The following CEP72 variants were observed in gnomAD, a reference collection of about 807,000 sequenced individuals.
The protein encoded by CEP72 is centrosomal protein of 72 kDa.
In CEP72, 78 loss-of-function variants were observed where a neutral mutation model predicts 65.7. The observed-to-expected ratio is 1.19, with a 90% CI of 0.99 to 1.43. The LOEUF is 1.43. CEP72 is among the 40% of genes most tolerant of loss of function. The pLI is 0.00. For missense variants in CEP72, 914 were observed against 832.9 expected (o/e 1.10, Z -1.20); for synonymous variants, 358 against 351.7 (o/e 1.02, Z -0.20).
chr5:624,553 C>A lies in CEP72; in HGVS notation c.486C>A (p.Ser162Arg), dbSNP rs752341048. 1.2e-6 allele frequency: 2 copies of A among 1,612,710 alleles called. No homozygotes were observed. Among genetic ancestry groups the A allele is most frequent in the Non-Finnish European group, 1.7e-6 (2 of 1,178,658 alleles). Residue 162 changes from serine (S) to arginine (R), a missense_variant, in exon 4 of 12, where the codon AGC becomes AGA. Transcript: ENST00000264935. The surrounding 1 kb of genome is among the most constrained non-coding windows in gnomAD (Gnocchi z 4.7). Reference sequence around the variant, plus strand: ...AGGACTCACTCGACTCCAAAGAGAGCGTCCCAGCTTCTTTGAAAGAGGGCA... The same window carrying A: ...AGGACTCACTCGACTCCAAAGAGAGAGTCCCAGCTTCTTTGAAAGAGGGCA... ...ASEDSLDSKESVPASLKEGRP... is the reference protein window; with the variant it reads ...ASEDSLDSKERVPASLKEGRP...
the CEP72 span, among the ~76,000 whole-genome samples, chr5:674,211 G>A: frequency 6.6e-6 from 1 of 152,214 alleles, no homozygotes; most frequent in African/African-American, 2.4e-5. Flanking sequence ...ACACACATTG[G>A]GCGGCACAGA....
At chr5:668,673 T>C (rs1740060446), downstream of CEP72, among the ~76,000 whole-genome samples, 2 of 152,234 alleles carry the variant, frequency 1.3e-5, no homozygotes, top group South Asian at 4.1e-4. Context: ...GGCCCAGCAG[T>C]CCCGTTCCTG....
At chr5:669,645 T>A (rs1740123950), downstream of CEP72, among the ~76,000 whole-genome samples, 1 of 152,118 alleles carries the variant, frequency 6.6e-6, no homozygotes, top group Non-Finnish European at 1.5e-5. Context: ...ACCACCAGCA[T>A]GAGTCACTCG....
In CEP72 at chr5:635,360, A is replaced by G. The variant is rs1439526193; in HGVS notation, c.692-12A>G. ...TGTTTTATGAAATATTTTATTTACA[A>G]TATTTTAATAGAATCCAGACATCTG... On this transcript the variant is annotated splice_polypyrimidine_tract_variant and intron_variant, in intron 5 of 11. Coordinates refer to ENST00000264935, the MANE Select transcript of CEP72 (RefSeq NM_018140.4). 4.5e-6 allele frequency: 7 copies of G among 1,547,490 alleles called. No individual in the cohort carries two copies. In the South Asian group the frequency reaches 5.8e-5, roughly 13 times the overall value.
At chr5:670,010 C>T (rs1379745943), downstream of CEP72, among the ~76,000 whole-genome samples, 2 of 152,218 alleles carry the variant, frequency 1.3e-5, no homozygotes, top group Non-Finnish European at 2.9e-5. Context: ...CCAAAGCCGG[C>T]CCAGCAGGAC....
chr5:647,151 C>T (rs1229877563), intron 10 of CEP72, among the ~76,000 whole-genome samples: 4 of 152,270 alleles, frequency 2.6e-5, no homozygotes, highest in Admixed American at 6.5e-5. Flanking sequence ...GTGTCACCAT[C>T]ACCCTTTGCC....
At chr5:672,957 C>G in the CEP72 span, among the ~76,000 whole-genome samples, 10 of 152,228 alleles carry the variant, frequency 6.6e-5, no homozygotes, top group Non-Finnish European at 1.0e-4. Context: ...GCAGATACCC[C>G]GAGCTGGCGC....
intron 1 of CEP72, among the ~76,000 whole-genome samples, chr5:616,529 A>T (rs993418501): frequency 6.6e-6 from 1 of 151,272 alleles, no homozygotes; most frequent in Non-Finnish European, 1.5e-5. Flanking sequence ...ATTTTTTATC[A>T]TATTGTGGAC....
downstream of CEP72, among the ~76,000 whole-genome samples, chr5:672,161 T>C (rs528717014): frequency 6.6e-6 from 1 of 152,316 alleles, no homozygotes; most frequent in South Asian, 2.1e-4. Context: ...CAAAGTGTCC[T>C]ACCGGCCCTC....
downstream of CEP72, among the ~76,000 whole-genome samples, chr5:669,563 G>A (rs573912356): frequency 8.5e-5 from 13 of 152,258 alleles, no homozygotes; most frequent in South Asian, 4.1e-4. Context: ...ACATGCGGAC[G>A]CCAGGCCTGA....
In CEP72 at chr5:623,048, A is replaced by G. The variant is rs1381238950; in HGVS notation, c.404-1423A>G. 6.6e-6 allele frequency among the ~76,000 whole-genome samples: 1 copy of G among 151,574 alleles called. No homozygotes were observed. Among genetic ancestry groups the G allele is most frequent in the Non-Finnish European group, 1.5e-5 (1 of 67,970 alleles). ...TCCCCTCTTAGTGTTTCTGTAGAGA[A>G]GGAGCGCGGCCGTCTCCCTCTTAGT... On this transcript the variant is annotated intron_variant, in intron 3 of 11. Coordinates refer to ENST00000264935, the MANE Select transcript of CEP72 (RefSeq NM_018140.4). This position sits in a 1 kb window ranked among gnomAD's most constrained non-coding sequence, Gnocchi z 5.3.
chr5:635,850 G>A (rs566324166), intron 6 of CEP72, among the ~76,000 whole-genome samples: 16 of 152,368 alleles, frequency 1.1e-4, no homozygotes, highest in African/African-American at 3.8e-4. Context: ...GCCTCCCTGC[G>A]GGCTGGCCCT....
chr5:657,171 T>C (rs1434110923), downstream of CEP72: 1 of 152,246 alleles, frequency 6.6e-6, no homozygotes, highest in African/African-American at 2.4e-5. Context: ...GTGGCCCAGC[T>C]ATACTACCTA....
At position 637,796 on chromosome 5, in the gene CEP72, G is replaced by A. The variant is rs375668537; in HGVS notation, c.1184G>A (p.Arg395Gln). 4 of 1,584,026 alleles carry A rather than the reference G, an allele frequency of 2.5e-6. No individual in the cohort carries two copies. Among genetic ancestry groups the A allele is most frequent in the Admixed American group, 1.8e-5 (1 of 56,514 alleles). ...TCGGAGACTGAGGAGCAGAGGTCTC[G>A]GGGTGTGACCGACACCAGAGAGGTG... The part of the protein sequence containing the change: ...EASETEEQRS[R>Q]GVTDTREPSP... The change falls in exon 7 of 12, where the codon CGG becomes CAG. Residue 395 changes from arginine to glutamine, a missense_variant. By Grantham distance (43) the Arg-to-Gln change is conservative. Transcript: ENST00000264935.
At chr5:666,203 T>C in intron 4 of CEP72, 2 of 1,502,480 alleles carry the variant, frequency 1.3e-6, no homozygotes, top group Non-Finnish European at 1.8e-6. Flanking sequence ...TGAGCAGAGC[T>C]GGACAGCCAT....
downstream of CEP72, among the ~76,000 whole-genome samples, chr5:670,373 G>C (rs1273415748): frequency 6.6e-6 from 1 of 152,220 alleles, no homozygotes; most frequent in Non-Finnish European, 1.5e-5. Flanking sequence ...GCCCTGTCCA[G>C]AGGCTGCCAC....
intron 1 of CEP72, among the ~76,000 whole-genome samples, chr5:618,418 CAT>C (rs10596653): frequency 0.54 from 80,563 of 148,226 alleles, 22,478 homozygotes; most frequent in Non-Finnish European, 0.63. Flanking sequence ...CAATAGGACA[CAT>C]GTGTTAAAGT....
At position 647,947 on chromosome 5, in the gene CEP72, C is replaced by T. The variant is rs202101815; in HGVS notation, c.1778+31C>T. 89 of 1,528,534 alleles carry T rather than the reference C, an allele frequency of 5.8e-5. 1 individual carries two copies. The highest frequency in any genetic ancestry group is 2.4e-4 in the South Asian group (21 of 87,388). 94.7% of individuals were successfully genotyped at this position (1,528,534 alleles called of 1,614,324 possible). A position where few individuals can be genotyped will look rare whatever the true frequency, so the allele number is the denominator to read the frequency against. On this transcript the variant is annotated intron_variant, in intron 11 of 11. Coordinates refer to ENST00000264935, the MANE Select transcript of CEP72 (RefSeq NM_018140.4). ...TGCCCGTGAGACTTGGGTGGGCCCC[C>T]GAGGGGAGGAGGCCCAGGTACAGGG...
chr5:655,005 A>AT (rs1272333192), downstream of CEP72, among the ~76,000 whole-genome samples: 4 of 152,098 alleles, frequency 2.6e-5, no homozygotes, highest in African/African-American at 9.7e-5. This position sits in a 1 kb window ranked among gnomAD's most constrained non-coding sequence, Gnocchi z 5.0. Context: ...CACTTGCCTA[A>AT]TTTGATGTTA....
Sources: allele counts gnomAD v4.1 joint callset (sites outside exome capture counted in the v4.1 genomes callset), GRCh38; gene constraint gnomAD v4.1.1; non-coding constraint Gnocchi (gnomAD v3.1); transcripts MANE v1.5; gene names NCBI Gene and HGNC (gene_info 2026-07-23, HGNC 2026-07-21).